The following SEC14L1 variants were observed in gnomAD, a reference collection of about 807,000 sequenced individuals.
SEC14L1 encodes SEC14 like lipid binding 1.
In SEC14L1, 48 loss-of-function variants were observed where a neutral mutation model predicts 85.3. The observed-to-expected ratio is 0.56, with a 90% confidence interval of 0.45 to 0.72. The LOEUF (loss-of-function observed/expected upper bound fraction) is 0.72. SEC14L1 is among the 30% of genes least tolerant of loss of function. The probability of loss-of-function intolerance (pLI) is 0.00; values close to 1 mark genes in which losing one functional copy is unlikely to be tolerated. For missense variants in SEC14L1, 682 were observed against 921.4 expected (o/e 0.74, Z 3.36); for synonymous variants, 391 against 355.5 (o/e 1.10, Z -1.12).
intron 3 of SEC14L1, among the ~76,000 whole-genome samples, chr17:77,101,366 T>G (rs1484442378): frequency 6.6e-6 from 1 of 151,940 alleles, no homozygotes; most frequent in Non-Finnish European, 1.5e-5. Flanking sequence ...TTAGTAGAGA[T>G]GGCGTTTCAC....
chr17:77,213,683 C>T lies in SEC14L1; in HGVS notation c.2042+191C>T, dbSNP rs1172982309. On this transcript the variant is annotated intron_variant, in intron 16 of 16. Coordinates refer to ENST00000436233, the MANE Select transcript of SEC14L1 (RefSeq NM_001143998.2). This position sits in a 1 kb window ranked among gnomAD's most constrained non-coding sequence, Gnocchi z 7.1. ...CTGCCTGTCTGCAGAGGGAGAGTGT[C>T]GGAGACAGAGCCGACTGACTGCCTT... The T allele has an allele frequency of 2.3e-6, 2 of 862,640 alleles. No individual in the cohort carries two copies. Among genetic ancestry groups the T allele is most frequent in the South Asian group, 1.4e-5 (1 of 70,184 alleles). The allele number at this position is 862,640 out of a possible 1,614,324, so 53.4% of individuals were successfully genotyped here.
intron 3 of SEC14L1, among the ~76,000 whole-genome samples, chr17:77,111,773 A>G (rs977236044): frequency 1.3e-5 from 2 of 152,210 alleles, no homozygotes; most frequent in Non-Finnish European, 2.9e-5. Flanking sequence ...GTTGCTTTCA[A>G]TTTTACAGGC....
intron 9 of SEC14L1, among the ~76,000 whole-genome samples, chr17:77,202,850 C>G (rs368592214): frequency 6.6e-6 from 1 of 150,460 alleles, no homozygotes; most frequent in Non-Finnish European, 1.5e-5. Context: ...AACCTGCAGG[C>G]AGAGGTTGCA....
Position 77,214,428 on chromosome 17 carries a change from A to G in SEC14L1, c.*405A>G. ...CAGAGATGGCCCCTCCTCACCTGGG[A>G]CGGAAGCTGCCAGCTCGCTTCCCCC... On this transcript the variant is annotated 3_prime_UTR_variant, in exon 17 of 17. Coordinates refer to ENST00000436233, the MANE Select transcript of SEC14L1 (RefSeq NM_001143998.2). 7 of 1,001,226 alleles carry G rather than the reference A, an allele frequency of 7.0e-6. No homozygotes were observed. The highest frequency in any genetic ancestry group is 8.3e-6 in the Non-Finnish European group (7 of 838,864). The allele number at this position is 1,001,226 out of a possible 1,614,324, so 62.0% of individuals were successfully genotyped here.
At chr17:77,187,737 A>AT (rs34369532) in intron 3 of SEC14L1, among the ~76,000 whole-genome samples, 42,795 of 135,124 alleles carry the variant, frequency 0.32, 6,908 homozygotes, top group Middle Eastern at 0.35. Flanking sequence ...GGCTACTGGA[A>AT]TTTTTTTTTT....
chr17:77,115,696 T>C (rs1358923025), intron 3 of SEC14L1, among the ~76,000 whole-genome samples: 1 of 152,164 alleles, frequency 6.6e-6, no homozygotes. Flanking sequence ...CAAAGGAGCA[T>C]GTTCTCTTGC....
chr17:77,153,498 A>G (rs1238327815), intron 3 of SEC14L1, among the ~76,000 whole-genome samples: 1 of 152,212 alleles, frequency 6.6e-6, no homozygotes, highest in East Asian at 1.9e-4. Flanking sequence ...TTTTTCCCAA[A>G]TTAAACTAGG....
At chr17:77,110,716 T>TAA (rs35033742) in intron 3 of SEC14L1, among the ~76,000 whole-genome samples, 4,628 of 148,494 alleles carry the variant, frequency 0.031, 238 homozygotes, top group African/African-American at 0.11. Context: ...CCATCTCTAC[T>TAA]AAAAAAAAAT....
At chr17:77,156,428 A>C (rs1176703593) in intron 3 of SEC14L1, among the ~76,000 whole-genome samples, 1 of 152,106 alleles carries the variant, frequency 6.6e-6, no homozygotes, top group Non-Finnish European at 1.5e-5. Context: ...TACAAAAATT[A>C]GCTGGGCGTG....
intron 5 of SEC14L1, 145 bp from the exon 6 acceptor site, chr17:77,193,271 TTTTGG>T (rs1975632262): frequency 1.8e-6 from 1 of 569,368 alleles, no homozygotes; most frequent in East Asian, 3.0e-5. Context: ...TTGAACATGA[TTTTGG>T]CATTTTTTCC....
At chr17:77,170,153 A>G (rs1252625118) in intron 3 of SEC14L1, among the ~76,000 whole-genome samples, 1 of 152,200 alleles carries the variant, frequency 6.6e-6, no homozygotes, top group African/African-American at 2.4e-5. Flanking sequence ...GAGGGGAGCT[A>G]GATCTGGTTA....
chr17:77,180,030 GATGTTATGTTTTGTTTTGTT>G (rs992137423), intron 3 of SEC14L1, among the ~76,000 whole-genome samples: 5 of 145,864 alleles, frequency 3.4e-5, no homozygotes, highest in African/African-American at 5.1e-5. Flanking sequence ...GTTTTATTTT[GATGTTATGTTTTGTTTTGTT>G]ATGTTATGTT....
intron 3 of SEC14L1, among the ~76,000 whole-genome samples, chr17:77,097,336 C>T (rs1452975365): frequency 8.5e-5 from 13 of 152,158 alleles, no homozygotes; most frequent in African/African-American, 2.7e-4. Flanking sequence ...GAGGCCGAGG[C>T]GGGCGGATCA....
intron 3 of SEC14L1, among the ~76,000 whole-genome samples, chr17:77,165,739 A>G (rs1974254726): frequency 6.6e-6 from 1 of 152,064 alleles, no homozygotes; most frequent in Non-Finnish European, 1.5e-5. Context: ...ATATGCTCCT[A>G]TTTATACCTA....
At chr17:77,134,474 T>C (rs1972727316) in intron 3 of SEC14L1, among the ~76,000 whole-genome samples, 1 of 152,052 alleles carries the variant, frequency 6.6e-6, no homozygotes, top group African/African-American at 2.4e-5. Context: ...TCCCAGCCCT[T>C]TGGGAGGTGG....
In SEC14L1 at chr17:77,200,705, C is replaced by A. The variant is rs764482045; in HGVS notation, c.1009+32C>A. The stretch of plus-strand genomic sequence containing the variant: ...GATGGAGTTGAAACTGTGTTTCCAT[C>A]GTTGTCTTGATGTGTGGTTGAAGAT... On this transcript the variant is annotated intron_variant, in intron 9 of 16. Coordinates refer to ENST00000436233, the MANE Select transcript of SEC14L1 (RefSeq NM_001143998.2). 8 of 1,590,746 alleles carry A rather than the reference C, an allele frequency of 5.0e-6. No homozygotes were observed. The South Asian group carries it at 9.1e-5, about 18-fold the overall frequency.
chr17:77,158,715 G>A (rs1227529842), intron 3 of SEC14L1, among the ~76,000 whole-genome samples: 1 of 150,966 alleles, frequency 6.6e-6, no homozygotes, highest in Non-Finnish European at 1.5e-5. Flanking sequence ...ACTTACCGAT[G>A]GACGTTGGGT....
Position 77,206,764 on chromosome 17 carries a change from T to C in SEC14L1, c.1378T>C (p.Phe460Leu). 6.2e-7 allele frequency: 1 copy of C among 1,612,574 alleles called. No individual in the cohort carries two copies. The highest frequency in any genetic ancestry group is 8.5e-7 in the Non-Finnish European group (1 of 1,179,572). Residue 460 changes from phenylalanine (F) to leucine (L), a missense_variant, in exon 13 of 17, where the codon TTC becomes CTC. Coordinates refer to ENST00000436233, the MANE Select transcript of SEC14L1 (RefSeq NM_001143998.2). The surrounding 1 kb of genome is among the most constrained non-coding windows in gnomAD (Gnocchi z 4.3). ...CATTGATGACAACACCAGAAGGAAG[T>C]TCCTCATTTATGCAGGAAATGACTA... ...PFIDDNTRRK[F>L]LIYAGNDYQG... is the part of the protein sequence containing the mutation.
chr17:77,188,547 A>G (rs1237088401), intron 3 of SEC14L1, among the ~76,000 whole-genome samples: 2 of 151,998 alleles, frequency 1.3e-5, no homozygotes, highest in East Asian at 1.9e-4. Flanking sequence ...AGCCTCACTC[A>G]GGAAGGACAT....
Sources: gnomAD v4.1 joint callset for allele counts (sites outside exome capture counted in the v4.1 genomes callset) on GRCh38, gnomAD v4.1.1 for gene constraint, Gnocchi (gnomAD v3.1) non-coding constraint, MANE v1.5 for transcripts, NCBI Gene and HGNC (gene_info 2026-07-23, HGNC 2026-07-21) for gene names.